Variants in SRPK2 observed in about 807,000 individuals in gnomAD.
The protein encoded by SRPK2 is SRSF protein kinase 2.
In SRPK2, 21 loss-of-function variants were observed where a neutral mutation model predicts 90.8. The observed-to-expected ratio is 0.23, with a 90% confidence interval of 0.16 to 0.33. The LOEUF (loss-of-function observed/expected upper bound fraction) is 0.33. Ranked by LOEUF, SRPK2 falls within the 10% of genes least tolerant of loss-of-function variation. The pLI, the probability that SRPK2 is intolerant of heterozygous loss-of-function variation, is 1.00. For synonymous variants in SRPK2, 288 were observed against 311.1 expected, an observed-to-expected ratio of 0.93 and a Z score of 0.78; for missense variants, 620 against 869.0, an observed-to-expected ratio of 0.71 and a Z score of 3.60.
intron 2 of SRPK2, among the ~76,000 whole-genome samples, chr7:105,214,080 C>G (rs1158036861): frequency 1.3e-5 from 2 of 152,202 alleles, no homozygotes; most frequent in African/African-American, 4.8e-5. Context: ...ATTCAGTCAT[C>G]CTCCTTCAAG....
Position 105,385,900 on chromosome 7 carries a change from C to G in SRPK2, c.71+2748G>C, listed in dbSNP as rs79711171. Among the ~76,000 whole-genome samples the G allele has an allele frequency of 4.7e-3, 711 of 152,322 alleles. 11 individuals carry two copies. In the East Asian group the frequency reaches 0.055, roughly 12 times the overall value. On this transcript the variant is annotated intron_variant, in intron 2 of 15. Transcript: ENST00000393651. Reference sequence around the variant, plus strand: ...AATGTCATCTATTATTATTACTTAACATGTCCCATCTTCATTTTCTTCCTA... The same window carrying G: ...AATGTCATCTATTATTATTACTTAAGATGTCCCATCTTCATTTTCTTCCTA...
At chr7:105,158,608 A>G (rs576911979) in intron 7 of SRPK2, among the ~76,000 whole-genome samples, 1 of 152,288 alleles carries the variant, frequency 6.6e-6, no homozygotes, top group South Asian at 2.1e-4. Flanking sequence ...CAGTCACTTA[A>G]GGCAACAGCA....
At chr7:105,160,940 T>G (rs1807526868) in intron 6 of SRPK2, among the ~76,000 whole-genome samples, 1 of 151,996 alleles carries the variant, frequency 6.6e-6, no homozygotes, top group African/African-American at 2.4e-5. Context: ...TTATTTTTAT[T>G]TTTTTTTGAG....
chr7:105,313,446 CA>C (rs546210374), intron 2 of SRPK2, among the ~76,000 whole-genome samples: 4,165 of 64,522 alleles, frequency 0.065, 162 homozygotes, highest in African/African-American at 0.18. Flanking sequence ...GACTCCATCT[CA>C]AAAAAAAAAA....
chr7:105,381,419 G>A (rs934813883), intron 2 of SRPK2, among the ~76,000 whole-genome samples: 1 of 152,062 alleles, frequency 6.6e-6, no homozygotes, highest in Non-Finnish European at 1.5e-5. Flanking sequence ...AGTGAGCCAA[G>A]ACCAGGCCAC....
intron 2 of SRPK2, among the ~76,000 whole-genome samples, chr7:105,258,817 C>T (rs1195976415): frequency 6.6e-6 from 1 of 152,128 alleles, no homozygotes; most frequent in Non-Finnish European, 1.5e-5. Context: ...GCAGAAAAGG[C>T]CTTCAACAAA....
chr7:105,192,819 T>C (rs1162218007), intron 3 of SRPK2, among the ~76,000 whole-genome samples: 1 of 152,228 alleles, frequency 6.6e-6, no homozygotes, highest in Non-Finnish European at 1.5e-5. Context: ...CATTTTTTCA[T>C]AGTCTATTGG....
In SRPK2 at chr7:105,301,438, C is replaced by T. The variant is rs756690147; in HGVS notation, c.71+87210G>A. ...CAACCAAGGCGCCAAAGGGGGTCGC[C>T]GGGCCTCTGGGCCGCTGCCCTCGCT... is the stretch of plus-strand genomic sequence containing the variant. On this transcript the variant is annotated intron_variant, in intron 2 of 15. Transcript: ENST00000393651. 6.6e-6 allele frequency: 5 copies of T among 762,028 alleles called. No homozygotes were observed. The African/African-American group carries it at 6.9e-5, about 11-fold the overall frequency. 47.2% of individuals were successfully genotyped at this position (762,028 alleles called of 1,614,324 possible). A position where few individuals can be genotyped will look rare whatever the true frequency, so the allele number is the denominator to read the frequency against.
intron 3 of SRPK2, among the ~76,000 whole-genome samples, chr7:105,187,298 C>T (rs1206331457): frequency 6.6e-6 from 1 of 152,168 alleles, no homozygotes; most frequent in South Asian, 2.1e-4. Context: ...CCTTTCAACT[C>T]TACTCAAACC....
chr7:105,338,064 A>T (rs954076578), intron 2 of SRPK2, among the ~76,000 whole-genome samples: 3 of 137,880 alleles, frequency 2.2e-5, no homozygotes, highest in Non-Finnish European at 4.6e-5. Context: ...AAAAAACTTT[A>T]AAAAAGAAAG....
intron 2 of SRPK2, among the ~76,000 whole-genome samples, chr7:105,342,648 C>G (rs1375916742): frequency 2.0e-5 from 3 of 152,132 alleles, no homozygotes; most frequent in Admixed American, 2.0e-4. Flanking sequence ...CAAATTACTT[C>G]CAGAATCCAC....
intron 2 of SRPK2, among the ~76,000 whole-genome samples, chr7:105,222,933 T>C (rs1329555877): frequency 6.6e-6 from 1 of 152,250 alleles, no homozygotes; most frequent in African/African-American, 2.4e-5. Flanking sequence ...AGGCATTATC[T>C]ATTTGCTTTC....
intron 3 of SRPK2, among the ~76,000 whole-genome samples, chr7:105,191,862 G>C (rs369375766): frequency 1.8e-5 from 2 of 111,162 alleles, no homozygotes; most frequent in South Asian, 3.3e-4. Context: ...TTATCCTTTT[G>C]TAAAAAAAAA....
At chr7:105,397,587 C>G (rs1458883046) in intron 1 of SRPK2, among the ~76,000 whole-genome samples, 1 of 151,424 alleles carries the variant, frequency 6.6e-6, no homozygotes, top group Non-Finnish European at 1.5e-5. Context: ...CTCAGCCTCC[C>G]AAAGTGCTGG....
rs772866764 is a variant in SRPK2, at chr7:105,170,965, AAGAGAAAGAAAG to A, written c.230-1712_230-1701del. ...AAAGAAAGAAAGAAAGAAAGAAAGAAAGAGAAAGAAAGAGAAAGAAAGAAAGAAAGAGAAAGA... is the reference window on the plus strand; with the variant it reads ...AAAGAAAGAAAGAAAGAAAGAAAGAAAGAAAGAAAGAAAGAAAGAGAAAGA... On this transcript the variant is annotated intron_variant, in intron 3 of 15. Transcript: ENST00000393651. Among the ~76,000 whole-genome samples the A allele has an allele frequency of 1.0e-2, 317 of 31,726 alleles. 18 individuals are homozygous for A. The highest frequency in any genetic ancestry group is 0.019 in the African/African-American group (157 of 8,422). The allele number at this position is 31,726 out of a possible 152,430, so 20.8% of individuals were successfully genotyped here. A position where few individuals can be genotyped will look rare whatever the true frequency, so the allele number is the denominator to read the frequency against.
chr7:105,224,091 A>C (rs953226855), intron 2 of SRPK2, among the ~76,000 whole-genome samples: 2 of 152,172 alleles, frequency 1.3e-5, no homozygotes, highest in African/African-American at 4.8e-5. Flanking sequence ...TTTTAGATTG[A>C]GTTACACACA....
chr7:105,316,022 ATTTT>A (rs11330337), intron 2 of SRPK2, among the ~76,000 whole-genome samples: 2 of 128,640 alleles, frequency 1.6e-5, no homozygotes, highest in Non-Finnish European at 3.2e-5. Flanking sequence ...TCTTTAGGTA[ATTTT>A]TTTTTTTTTT....
intron 2 of SRPK2, among the ~76,000 whole-genome samples, chr7:105,260,722 T>A (rs1049348755): frequency 1.3e-5 from 2 of 152,194 alleles, no homozygotes; most frequent in African/African-American, 4.8e-5. Flanking sequence ...GATGAGTTCA[T>A]GTCCTTTGCA....
chr7:105,176,749 ATGTG>A (rs10607750), intron 3 of SRPK2, among the ~76,000 whole-genome samples: 1,620 of 143,994 alleles, frequency 0.011, 15 homozygotes, highest in African/African-American at 0.027. Flanking sequence ...ATGTGTGTAT[ATGTG>A]TGTGTGTGTG....
Sources: gnomAD v4.1 joint callset for allele counts (sites outside exome capture counted in the v4.1 genomes callset) on GRCh38, gnomAD v4.1.1 for gene constraint, MANE v1.5 for transcripts, NCBI Gene and HGNC (gene_info 2026-07-23, HGNC 2026-07-21) for gene names.